Variants in PPM1A observed in about 807,000 individuals in gnomAD.
PPM1A encodes the protein protein phosphatase 1A.
PPM1A carries 7 observed loss-of-function variants against 35.0 expected under a neutral mutation model. That is an observed-to-expected ratio of 0.20 (90% confidence interval 0.11 to 0.38). The LOEUF is 0.38. Among genes scored for constraint, PPM1A ranks in the 10% least tolerant of loss-of-function variants. The probability of loss-of-function intolerance (pLI) is 1.00; values close to 1 mark genes in which losing one functional copy is unlikely to be tolerated. For synonymous variants in PPM1A, 153 were observed against 167.3 expected (o/e 0.91, Z 0.66); for missense variants, 239 against 467.8 (o/e 0.51, Z 4.51).
chr14:60,255,593 A>G (rs1189268806), intron 1 of PPM1A, among the ~76,000 whole-genome samples: 2 of 152,242 alleles, frequency 1.3e-5, no homozygotes, highest in East Asian at 3.8e-4. Context: ...CTTTATGGAT[A>G]GTAGACATTC....
At chr14:60,260,548 G>A (rs954622975) in intron 1 of PPM1A, among the ~76,000 whole-genome samples, 2 of 151,948 alleles carry the variant, frequency 1.3e-5, no homozygotes, top group East Asian at 1.9e-4. Context: ...TTCACATAGC[G>A]TAACATTCAC....
chr14:60,292,349 T>A lies in PPM1A; in HGVS notation c.1120-104T>A, dbSNP rs1887721338. ...TTAAAAAACATTTATATTCTAAAAG[T>A]CATCTTTACAGAACATTATCTTTCT... is the stretch of plus-strand genomic sequence containing the variant. On this transcript the variant is annotated intron_variant, in intron 5 of 5. Coordinates refer to ENST00000395076, the MANE Select transcript of PPM1A (RefSeq NM_021003.5). This position sits in a 1 kb window ranked among gnomAD's most constrained non-coding sequence, Gnocchi z 4.2. The A allele has an allele frequency of 1.2e-6, 1 of 808,472 alleles. No individual in the cohort carries two copies. Among genetic ancestry groups the A allele is most frequent in the Non-Finnish European group, 2.0e-6 (1 of 492,344 alleles). 50.1% of individuals were successfully genotyped at this position (808,472 alleles called of 1,614,324 possible). A position where few individuals can be genotyped will look rare whatever the true frequency, so the allele number is the denominator to read the frequency against.
chr14:60,284,796 G>A (rs973424682), intron 2 of PPM1A, among the ~76,000 whole-genome samples: 1 of 150,628 alleles, frequency 6.6e-6, no homozygotes, highest in African/African-American at 2.4e-5. Flanking sequence ...TATAAATGAC[G>A]TGTACAGGGT....
rs371774397 is a variant in PPM1A at position 60,272,670 on chromosome 14, G to A, written c.-20-10014G>A. Among the ~76,000 whole-genome samples, 36 of 132,874 alleles carry A rather than the reference G, an allele frequency of 2.7e-4. No individual in the cohort carries two copies. In the East Asian group the frequency reaches 7.5e-3, roughly 28 times the overall value. The allele number at this position is 132,874 out of a possible 152,430, so 87.2% of individuals were successfully genotyped here. A position where few individuals can be genotyped will look rare whatever the true frequency, so the allele number is the denominator to read the frequency against. On this transcript the variant is annotated intron_variant, in intron 1 of 5. Coordinates refer to ENST00000395076, the MANE Select transcript of PPM1A (RefSeq NM_021003.5). ...CATGCCGCCACATCCCAGCCTGGGC[G>A]ACAGAGTGAGACTCTGTCTCAAAAA...
chr14:60,283,571 T>G lies in PPM1A; in HGVS notation c.834+34T>G, dbSNP rs1300087634. The G allele has an allele frequency of 6.4e-7, 1 of 1,561,444 alleles. No homozygotes were observed. Among genetic ancestry groups the G allele is most frequent in the Non-Finnish European group, 8.6e-7 (1 of 1,158,962 alleles). ...ACTTTTTTTAAAAACATAAAATGAT[T>G]TTATGCCATATTAATCACTACTCTA... On this transcript the variant is annotated intron_variant, in intron 2 of 5. Coordinates refer to ENST00000395076, the MANE Select transcript of PPM1A (RefSeq NM_021003.5). The surrounding 1 kb of genome is among the most constrained non-coding windows in gnomAD (Gnocchi z 6.3).
rs1345902102 is a variant in PPM1A, at chr14:60,283,072, T to C, written c.369T>C (p.Asp123=). ...TGTCAGAGAAGAAACATGGTGCAGA[T>C]AGAAGTGGGTCAACAGCTGTAGGTG... ...RVMSEKKHGA[D]RSGSTAVGVL... The change falls in exon 2 of 6, where the codon GAT becomes GAC. Residue 123 remains aspartate (D), a synonymous_variant. Transcript: ENST00000395076. The surrounding 1 kb of genome is among the most constrained non-coding windows in gnomAD (Gnocchi z 6.3). 2 of 1,614,136 alleles carry C rather than the reference T, an allele frequency of 1.2e-6. No individual in the cohort carries two copies. Among genetic ancestry groups the C allele is most frequent in the African/African-American group, 1.3e-5 (1 of 74,948 alleles).
chr14:60,247,225 C>T (rs1595240267), upstream of PPM1A, among the ~76,000 whole-genome samples: 1 of 151,766 alleles, frequency 6.6e-6, no homozygotes, highest in Non-Finnish European at 1.5e-5. Flanking sequence ...TTTGGGGGGT[C>T]GGGGAGATAT....
chr14:60,262,138 A>C (rs1033925144), intron 1 of PPM1A, among the ~76,000 whole-genome samples: 2 of 152,246 alleles, frequency 1.3e-5, no homozygotes, highest in African/African-American at 4.8e-5. Context: ...TGTTTATAGT[A>C]GTAGAAACCA....
intron 1 of PPM1A, among the ~76,000 whole-genome samples, chr14:60,279,848 T>C (rs774762586): frequency 2.6e-4 from 39 of 152,198 alleles, no homozygotes; most frequent in Non-Finnish European, 4.7e-4. Context: ...TTATTGTGAT[T>C]GACTGCCTCC....
At chr14:60,264,100 T>G (rs202080060) in intron 1 of PPM1A, among the ~76,000 whole-genome samples, 1 of 152,316 alleles carries the variant, frequency 6.6e-6, no homozygotes, top group East Asian at 1.9e-4. Flanking sequence ...AAGTACATCC[T>G]TTAGTAATCC....
Position 60,297,972 on chromosome 14 carries a change from A to G in PPM1A, c.*5490A>G, listed in dbSNP as rs1476484930. On this transcript the variant is annotated 3_prime_UTR_variant, in exon 6 of 6. Coordinates refer to ENST00000395076, the MANE Select transcript of PPM1A (RefSeq NM_021003.5). ...AAGCCCAAAAGTATATTTCTAGGGCATGAAAATAACTTGAGTCTATTTTAA... is the reference window on the plus strand; with the variant it reads ...AAGCCCAAAAGTATATTTCTAGGGCGTGAAAATAACTTGAGTCTATTTTAA... 1 of 151,738 alleles carries G rather than the reference A, an allele frequency of 6.6e-6. No individual in the cohort carries two copies. The highest frequency in any genetic ancestry group is 2.4e-5 in the African/African-American group (1 of 41,412). 9.4% of individuals were successfully genotyped at this position (151,738 alleles called of 1,614,324 possible).
At chr14:60,270,639 G>C (rs530535372) in intron 1 of PPM1A, among the ~76,000 whole-genome samples, 10 of 152,248 alleles carry the variant, frequency 6.6e-5, no homozygotes, top group African/African-American at 2.2e-4. Context: ...TTATTTTTGA[G>C]AGAAATGATA....
intron 2 of PPM1A, among the ~76,000 whole-genome samples, chr14:60,284,362 C>A (rs558471785): frequency 6.6e-6 from 1 of 152,282 alleles, no homozygotes; most frequent in South Asian, 2.1e-4. Flanking sequence ...AAGACTGTTG[C>A]CGGGCGCGGT....
At position 60,249,322 on chromosome 14, in the gene PPM1A, TC is replaced by T; in HGVS notation, c.-375del. The T allele has an allele frequency of 5.3e-6, 5 of 948,394 alleles. No individual in the cohort carries two copies. The highest frequency in any genetic ancestry group is 6.1e-6 in the Non-Finnish European group (5 of 821,074). 58.7% of individuals were successfully genotyped at this position (948,394 alleles called of 1,614,324 possible). A position where few individuals can be genotyped will look rare whatever the true frequency, so the allele number is the denominator to read the frequency against. ...TCGTCCGGCCCGCAGCTTCGGGTCC[TC>T]AGGCGGCTGTTGCTCCGGAACGGGT... On this transcript the variant is annotated 5_prime_UTR_variant, in exon 1 of 6. Coordinates refer to ENST00000395076, the MANE Select transcript of PPM1A (RefSeq NM_021003.5). This position sits in a 1 kb window ranked among gnomAD's most constrained non-coding sequence, Gnocchi z 4.5.
chr14:60,285,458 T>C (rs1886900787), intron 2 of PPM1A, among the ~76,000 whole-genome samples, 166 bp from the exon 3 acceptor site: 2 of 132,714 alleles, frequency 1.5e-5, no homozygotes, highest in Non-Finnish European at 1.5e-5. Flanking sequence ...GGGGGAGTCA[T>C]TGCACACACA....
At chr14:60,269,192 C>CT (rs928178073) in intron 1 of PPM1A, among the ~76,000 whole-genome samples, 3 of 152,144 alleles carry the variant, frequency 2.0e-5, no homozygotes, top group East Asian at 3.9e-4. Flanking sequence ...TTCTTGGTAT[C>CT]TTTTTTGCCT....
chr14:60,260,461 G>A (rs1206285818), intron 1 of PPM1A, among the ~76,000 whole-genome samples: 6 of 152,078 alleles, frequency 3.9e-5, no homozygotes, highest in East Asian at 3.9e-4. Flanking sequence ...CCATAGTCAC[G>A]TTTTTTAACC....
intron 1 of PPM1A, among the ~76,000 whole-genome samples, chr14:60,279,970 C>T (rs570928871): frequency 2.6e-5 from 4 of 152,054 alleles, no homozygotes; most frequent in South Asian, 2.1e-4. Context: ...TTTATTTAAT[C>T]GTCATAAGAA....
At chr14:60,288,454 A>T (rs1887269680) in intron 3 of PPM1A, 1 of 983,930 alleles carries the variant, frequency 1.0e-6, no homozygotes. Context: ...GTAAACATCA[A>T]ATCCCTTTAT....
Sources: allele counts gnomAD v4.1 joint callset (sites outside exome capture counted in the v4.1 genomes callset), GRCh38; gene constraint gnomAD v4.1.1; non-coding constraint Gnocchi (gnomAD v3.1); transcripts MANE v1.5; gene names NCBI Gene and HGNC (gene_info 2026-07-23, HGNC 2026-07-21).